The following MAGI2 variants were observed in gnomAD, a reference collection of about 807,000 sequenced individuals.
The protein encoded by MAGI2 is membrane associated guanylate kinase, WW and PDZ domain containing 2.
In MAGI2, 35 loss-of-function variants were observed where a neutral mutation model predicts 133.3. That is an observed-to-expected ratio of 0.26 (90% CI 0.20 to 0.35). The LOEUF is 0.35. Ranked by LOEUF, MAGI2 falls within the 10% of genes least tolerant of loss-of-function variation. The pLI is 1.00. For synonymous variants in MAGI2, 729 were observed against 710.6 expected, an observed-to-expected ratio of 1.03 and a Z score of -0.41; for missense variants, 1,636 against 1,863.4, an observed-to-expected ratio of 0.88 and a Z score of 2.25.
At chr7:78,416,991 T>C (rs1798363264) in intron 6 of MAGI2, among the ~76,000 whole-genome samples, 1 of 152,160 alleles carries the variant, frequency 6.6e-6, no homozygotes, top group Non-Finnish European at 1.5e-5. Context: ...TATAATAGCA[T>C]GAATGGACTA....
intron 2 of MAGI2, among the ~76,000 whole-genome samples, chr7:78,955,788 TC>T (rs1467397298): frequency 7.0e-6 from 1 of 143,694 alleles, no homozygotes; most frequent in East Asian, 2.0e-4. Context: ...TTTCTTTCTT[TC>T]ATTTCTTTCG....
intron 10 of MAGI2, among the ~76,000 whole-genome samples, chr7:78,248,912 AC>A (rs1176030610): frequency 1.3e-5 from 2 of 152,144 alleles, no homozygotes; most frequent in Non-Finnish European, 2.9e-5. Flanking sequence ...AGAACAATCA[AC>A]AACCTCCAAA....
intron 1 of MAGI2, among the ~76,000 whole-genome samples, chr7:79,286,498 T>G (rs892627939): frequency 1.3e-5 from 2 of 151,792 alleles, no homozygotes; most frequent in Non-Finnish European, 2.9e-5. Flanking sequence ...AAAGAAAGGG[T>G]GAATATGGGG....
At chr7:78,167,632 T>C (rs546573186) in intron 15 of MAGI2, among the ~76,000 whole-genome samples, 61 of 152,290 alleles carry the variant, frequency 4.0e-4, no homozygotes, top group African/African-American at 1.1e-3. Context: ...AACTAGAAAC[T>C]ACCAGAAAGC....
chr7:78,029,222 C>T (rs769344379), intron 21 of MAGI2, among the ~76,000 whole-genome samples: 1 of 152,092 alleles, frequency 6.6e-6, no homozygotes, highest in African/African-American at 2.4e-5. Context: ...GGTGTGAGCA[C>T]AGGTTAGGAA....
At chr7:78,312,845 G>A (rs975771976) in intron 9 of MAGI2, among the ~76,000 whole-genome samples, 6 of 151,022 alleles carry the variant, frequency 4.0e-5, no homozygotes, top group Non-Finnish European at 8.8e-5. Flanking sequence ...CATATATATT[G>A]TATATATATA....
chr7:78,342,836 CA>C (rs1227833301), intron 9 of MAGI2, among the ~76,000 whole-genome samples: 1 of 152,094 alleles, frequency 6.6e-6, no homozygotes, highest in Admixed American at 6.6e-5. Context: ...GGAGGGATAG[CA>C]TTTGGAGAAA....
At chr7:79,149,522 G>A (rs536984244) in intron 1 of MAGI2, among the ~76,000 whole-genome samples, 9 of 152,170 alleles carry the variant, frequency 5.9e-5, no homozygotes, top group Admixed American at 1.3e-4. Flanking sequence ...AGGTTTCACC[G>A]GAGGAGGAAG....
At chr7:78,703,156 C>G (rs1273047770) in intron 2 of MAGI2, among the ~76,000 whole-genome samples, 1 of 151,838 alleles carries the variant, frequency 6.6e-6, no homozygotes, top group African/African-American at 2.4e-5. Flanking sequence ...ATCCCAGAGC[C>G]AAAGAAAATA....
intron 10 of MAGI2, among the ~76,000 whole-genome samples, chr7:78,226,416 T>A (rs1291059459): frequency 6.6e-6 from 1 of 152,130 alleles, no homozygotes; most frequent in Non-Finnish European, 1.5e-5. Context: ...AATACAGGCA[T>A]TACTCTCCTT....
intron 1 of MAGI2, among the ~76,000 whole-genome samples, chr7:79,057,653 G>A (rs1011177557): frequency 2.6e-5 from 4 of 152,048 alleles, no homozygotes; most frequent in African/African-American, 7.2e-5. Context: ...CGGTCTTGAG[G>A]TATTTCAATG....
intron 1 of MAGI2, among the ~76,000 whole-genome samples, chr7:79,450,530 G>A (rs1167284437): frequency 6.6e-6 from 1 of 152,036 alleles, no homozygotes; most frequent in Non-Finnish European, 1.5e-5. Flanking sequence ...CCAACTGTGG[G>A]CTCTCTGGCT....
At chr7:78,579,150 A>G (rs1051248545) in intron 3 of MAGI2, among the ~76,000 whole-genome samples, 10 of 152,214 alleles carry the variant, frequency 6.6e-5, no homozygotes, top group Non-Finnish European at 1.5e-4. Flanking sequence ...GCAACAACAA[A>G]AAACAAAACT....
At position 78,742,512 on chromosome 7, in the gene MAGI2, T is replaced by C. The variant is rs138115807; in HGVS notation, c.419-115273A>G. On this transcript the variant is annotated intron_variant, in intron 2 of 21. Transcript: ENST00000354212. The stretch of plus-strand genomic sequence containing the variant: ...GGTACTGAAATTTTAAAACTCAGTT[T>C]AAAAACAGGTAAAATTTAGTAATTT... Among the ~76,000 whole-genome samples the C allele has an allele frequency of 4.6e-5, 7 of 152,320 alleles. No individual in the cohort carries two copies. The East Asian group carries it at 5.8e-4, about 13-fold the overall frequency.
In MAGI2 at chr7:79,057,206, A is replaced by C. The variant is rs140759972; in HGVS notation, c.302-50000T>G. 2.7e-3 allele frequency among the ~76,000 whole-genome samples: 415 copies of C among 152,316 alleles called. 2 individuals are homozygous for C. Among genetic ancestry groups the C allele is most frequent in the Non-Finnish European group, 4.0e-3 (274 of 68,010 alleles). Reference sequence around the variant, plus strand: ...AGAAACTTAGAATTTTAAGGCTTAAAGGTCCTTTAGAGATGACATGGCTCA... The same window carrying C: ...AGAAACTTAGAATTTTAAGGCTTAACGGTCCTTTAGAGATGACATGGCTCA... On this transcript the variant is annotated intron_variant, in intron 1 of 21. Transcript: ENST00000354212.
At chr7:79,281,672 A>C (rs1835651023) in intron 1 of MAGI2, among the ~76,000 whole-genome samples, 1 of 152,172 alleles carries the variant, frequency 6.6e-6, no homozygotes. Flanking sequence ...GGGTAAAATG[A>C]AGTTATGGAA....
chr7:79,318,505 T>G (rs1415987336), intron 1 of MAGI2, among the ~76,000 whole-genome samples: 1 of 152,190 alleles, frequency 6.6e-6, no homozygotes, highest in African/African-American at 2.4e-5. Context: ...AATTCTATAT[T>G]TTCTGTAAGT....
intron 2 of MAGI2, among the ~76,000 whole-genome samples, chr7:78,717,383 C>T (rs1170412654): frequency 6.6e-6 from 1 of 152,028 alleles, no homozygotes; most frequent in African/African-American, 2.4e-5. Flanking sequence ...AAGAAAAATG[C>T]CATATATCAA....
At chr7:79,383,262 T>C (rs1318142117) in intron 1 of MAGI2, among the ~76,000 whole-genome samples, 1 of 151,596 alleles carries the variant, frequency 6.6e-6, no homozygotes, top group African/African-American at 2.4e-5. Context: ...TCCAGGATGC[T>C]TTACTTCACT....
Sources: allele counts gnomAD v4.1 joint callset (sites outside exome capture counted in the v4.1 genomes callset), GRCh38; gene constraint gnomAD v4.1.1; transcripts MANE v1.5; gene names NCBI Gene and HGNC (gene_info 2026-07-23, HGNC 2026-07-21).